C9: variants seen among roughly 807,000 people sequenced by gnomAD.
C9 encodes the protein complement component C9.
A neutral mutation model predicts 65.4 loss-of-function variants in C9; 63 were observed. The ratio of observed to expected loss-of-function variants is 0.96; its 90% confidence interval spans 0.79 to 1.19. The LOEUF is 1.19. Ranked by LOEUF, C9 falls within the 50% of genes most tolerant of loss-of-function variation. C9 has a pLI of 0.00. For synonymous variants in C9, 229 were observed against 227.9 expected (o/e 1.00, Z -0.04); for missense variants, 744 against 670.1 (o/e 1.11, Z -1.22).
intron 3 of C9, 34 bp downstream of exon 3, chr5:39,341,522 A>C (rs1258947850): frequency 2.5e-6 from 4 of 1,611,160 alleles, no homozygotes; most frequent in Non-Finnish European, 2.5e-6. Flanking sequence ...GGCACACAGA[A>C]AGCCACAATG....
rs374867886 is a variant in C9, at chr5:39,341,127, G to C, written c.476+19C>G. On this transcript the variant is annotated intron_variant, in intron 4 of 10. Transcript: ENST00000263408. Reference sequence around the variant, plus strand: ...TTTTCACTCATTTTCATCTGAAAAAGTACAAGTAAAATACACACCCATAGC... The same window carrying C: ...TTTTCACTCATTTTCATCTGAAAAACTACAAGTAAAATACACACCCATAGC... The C allele has an allele frequency of 4.8e-5, 78 of 1,613,512 alleles. No individual in the cohort carries two copies. Among genetic ancestry groups the C allele is most frequent in the Non-Finnish European group, 5.8e-5 (69 of 1,179,568 alleles).
chr5:39,349,722 C>T (rs1754286595), intron 1 of C9, among the ~76,000 whole-genome samples: 1 of 152,210 alleles, frequency 6.6e-6, no homozygotes, highest in Non-Finnish European at 1.5e-5. Flanking sequence ...ATCTTACTGA[C>T]TGCTTCATGG....
Position 39,315,863 on chromosome 5 carries a change from G to A in C9, c.782C>T (p.Ser261Leu). 1 of 1,612,688 alleles carries A rather than the reference G, an allele frequency of 6.2e-7. No homozygotes were observed. Among genetic ancestry groups the A allele is most frequent in the South Asian group, 1.1e-5 (1 of 91,054 alleles). The change falls in exon 6 of 11, where the codon TCA becomes TTA. Residue 261 changes from serine to leucine, a missense_variant. By Grantham distance (145) the Ser-to-Leu change is moderately radical (BLOSUM62 -2). Transcript: ENST00000263408. ...AEQCCEETAS[S>L]ISLHGKGSFR... ...ACTACCCTTGCCATGTAAAGAAATT[G>A]AGGAGGCTGTTTCCTCACAACATTG...
intron 5 of C9, among the ~76,000 whole-genome samples, chr5:39,328,091 G>GT (rs1753782697): frequency 6.6e-6 from 1 of 152,180 alleles, no homozygotes; most frequent in Non-Finnish European, 1.5e-5. Context: ...GTTGAGTGGA[G>GT]GCTTAGCAGA....
intron 4 of C9, 79 bp from the exon 5 acceptor site, chr5:39,331,893 G>A (rs950519166): frequency 2.5e-6 from 3 of 1,220,822 alleles, no homozygotes; most frequent in Non-Finnish European, 3.6e-6. Context: ...TGGAAAAAGT[G>A]AGACAGCTTC....
At chr5:39,292,414 T>C (rs576571314) in intron 9 of C9, among the ~76,000 whole-genome samples, 1 of 147,900 alleles carries the variant, frequency 6.8e-6, no homozygotes, top group East Asian at 2.0e-4. Flanking sequence ...TTGAAAAAAA[T>C]ACTTTTTTTT....
chr5:39,306,623 A>G lies in C9; in HGVS notation c.1410T>C (p.Ser470=). ...AAATAAACACGTTTCTTACTTTTTG[A>G]CTAATGAGAACAGGAGCATCATTTA... The part of the protein sequence containing the change: ...SSINDAPVLI[S]QKLSPIYNLV... The change falls in exon 9 of 11, where the codon AGT becomes AGC. Residue 470 remains serine, a synonymous_variant. Coordinates refer to ENST00000263408, the MANE Select transcript of C9 (RefSeq NM_001737.5). 6.2e-7 allele frequency: 1 copy of G among 1,611,892 alleles called. No individual in the cohort carries two copies. The highest frequency in any genetic ancestry group is 8.5e-7 in the Non-Finnish European group (1 of 1,178,038).
chr5:39,316,161 A>G (rs1753566738), intron 5 of C9, 132 bp from the exon 6 acceptor site: 2 of 682,174 alleles, frequency 2.9e-6, no homozygotes, highest in Non-Finnish European at 2.5e-6. Context: ...AGCAAAAGTG[A>G]TGGAGTCAGA....
At chr5:39,293,646 T>G (rs1010515013) in intron 9 of C9, among the ~76,000 whole-genome samples, 7 of 151,962 alleles carry the variant, frequency 4.6e-5, no homozygotes, top group African/African-American at 1.7e-4. Flanking sequence ...AGAGATTATC[T>G]AAACAGAAAA....
intron 5 of C9, among the ~76,000 whole-genome samples, chr5:39,320,648 GA>G (rs144768281): frequency 0.03 from 4,479 of 151,786 alleles, 202 homozygotes; most frequent in African/African-American, 0.1. Context: ...CCAATGTGGA[GA>G]AAAAAAAGGA....
At chr5:39,314,820 T>C (rs1753543767) in intron 6 of C9, among the ~76,000 whole-genome samples, 1 of 152,186 alleles carries the variant, frequency 6.6e-6, no homozygotes, top group South Asian at 2.1e-4. Context: ...TTACTCTAAT[T>C]TTCCTTGTAT....
At chr5:39,323,694 A>C (rs1753702167) in intron 5 of C9, among the ~76,000 whole-genome samples, 1 of 152,006 alleles carries the variant, frequency 6.6e-6, no homozygotes. Context: ...GGCCATATAC[A>C]ACAAGCCCAC....
intron 5 of C9, 25 bp from the exon 6 acceptor site, chr5:39,316,054 T>C: frequency 6.3e-7 from 1 of 1,595,542 alleles, no homozygotes; most frequent in South Asian, 1.1e-5. Flanking sequence ...AAAAGTGTTG[T>C]TAAAAACAAG....
intron 9 of C9, among the ~76,000 whole-genome samples, chr5:39,295,053 A>C (rs919505735): frequency 6.6e-6 from 1 of 151,800 alleles, no homozygotes; most frequent in Non-Finnish European, 1.5e-5. Flanking sequence ...GTATAGAATA[A>C]AAGTAATTAA....
chr5:39,339,954 T>C (rs557323353), intron 4 of C9, among the ~76,000 whole-genome samples: 1 of 152,182 alleles, frequency 6.6e-6, no homozygotes, highest in Non-Finnish European at 1.5e-5. Flanking sequence ...CCGCCGCAGA[T>C]ATCGTCAAAT....
At chr5:39,328,910 C>A (rs1753798408) in intron 5 of C9, among the ~76,000 whole-genome samples, 1 of 152,150 alleles carries the variant, frequency 6.6e-6, no homozygotes, top group Non-Finnish European at 1.5e-5. Flanking sequence ...AAATACTTGG[C>A]AGTCCACATG....
chr5:39,320,129 C>A (rs1753641787), intron 5 of C9, among the ~76,000 whole-genome samples: 1 of 152,038 alleles, frequency 6.6e-6, no homozygotes. Flanking sequence ...CATGGCATCA[C>A]CAAAGGAACA....
chr5:39,313,526 C>T (rs1002109976), intron 6 of C9, among the ~76,000 whole-genome samples: 2 of 152,150 alleles, frequency 1.3e-5, no homozygotes, highest in African/African-American at 4.8e-5. Context: ...CCTAGAGAAT[C>T]TTGTTAAAAT....
intron 10 of C9, among the ~76,000 whole-genome samples, chr5:39,287,294 T>C (rs536632926): frequency 6.6e-6 from 1 of 152,016 alleles, no homozygotes; most frequent in African/African-American, 2.4e-5. Context: ...TTTTCCTAGA[T>C]TTTCCTCTAG....
Sources: gnomAD v4.1 joint callset for allele counts (sites outside exome capture counted in the v4.1 genomes callset) on GRCh38, gnomAD v4.1.1 for gene constraint, MANE v1.5 for transcripts, NCBI Gene and HGNC (gene_info 2026-07-23, HGNC 2026-07-21) for gene names.